LMO3: variants seen among roughly 807,000 people sequenced by gnomAD.
LMO3 encodes the protein LIM domain only protein 3.
A neutral mutation model predicts 15.8 loss-of-function variants in LMO3; 2 were observed. The observed-to-expected ratio is 0.13, with a 90% CI of 0.05 to 0.40. The LOEUF (loss-of-function observed/expected upper bound fraction) is 0.40. LMO3 is among the 10% of genes least tolerant of loss of function. The pLI is 0.99. For missense variants in LMO3, 86 were observed against 182.2 expected, an observed-to-expected ratio of 0.47 and a Z score of 3.04; for synonymous variants, 62 against 63.8, an observed-to-expected ratio of 0.97 and a Z score of 0.13.
chr12:16,557,055 A>T (rs1353348874), intron 3 of LMO3, among the ~76,000 whole-genome samples: 1 of 152,206 alleles, frequency 6.6e-6, no homozygotes, highest in Non-Finnish European at 1.5e-5. Context: ...GAGGAGACAG[A>T]CTTAATTGTG....
At chr12:16,574,320 C>T (rs1186721075) in intron 2 of LMO3, among the ~76,000 whole-genome samples, 1 of 152,128 alleles carries the variant, frequency 6.6e-6, no homozygotes, top group African/African-American at 2.4e-5. Flanking sequence ...TCAACGAAAA[C>T]GCCTGTCTCT....
Position 16,596,125 on chromosome 12 carries a change from G to C in LMO3, c.206+4530C>G, listed in dbSNP as rs1393110594. Among the ~76,000 whole-genome samples, 2 of 151,468 alleles carry C rather than the reference G, an allele frequency of 1.3e-5. No homozygotes were observed. The highest frequency in any genetic ancestry group is 4.8e-5 in the African/African-American group (2 of 41,366). On this transcript the variant is annotated intron_variant, in intron 2 of 3. Transcript: ENST00000537304. The surrounding 1 kb of genome is among the most constrained non-coding windows in gnomAD (Gnocchi z 4.3). Reference sequence around the variant, plus strand: ...CCAGGTTTGATCAGCGTGAGATAAAGTTACAGCTAGATTTATGCCCTATGT... The same window carrying C: ...CCAGGTTTGATCAGCGTGAGATAAACTTACAGCTAGATTTATGCCCTATGT...
Position 16,551,258 on chromosome 12 carries a change from A to G in LMO3, c.402T>C (p.Gly134=). 4 of 1,613,032 alleles carry G rather than the reference A, an allele frequency of 2.5e-6. No individual in the cohort carries two copies. The highest frequency in any genetic ancestry group is 3.4e-6 in the Non-Finnish European group (4 of 1,179,086). The change falls in exon 4 of 4, where the codon GGT becomes GGC. Residue 134 remains glycine, a synonymous_variant. Transcript: ENST00000537304. The stretch of plus-strand genomic sequence containing the variant: ...GGGGTGCATAACCTTCTTTCATTAA[A>G]CCTTCCTCGTAGTCCGTCTGGCAAA... The part of the protein sequence containing the change: ...MILCQTDYEE[G]LMKEGYAPQV...
At chr12:16,580,632 A>G (rs80238810) in intron 2 of LMO3, among the ~76,000 whole-genome samples, 11,016 of 152,216 alleles carry the variant, frequency 0.072, 1,344 homozygotes, top group African/African-American at 0.25. Context: ...CTAAAAAATT[A>G]GGTTACAAAA....
chr12:16,569,259 C>T (rs965054319), intron 2 of LMO3, among the ~76,000 whole-genome samples: 4 of 152,080 alleles, frequency 2.6e-5, no homozygotes, highest in Admixed American at 2.6e-4. Context: ...AACCTATATC[C>T]CTTATCCAAA....
intron 2 of LMO3, among the ~76,000 whole-genome samples, chr12:16,568,035 T>A (rs542142174): frequency 7.4e-4 from 112 of 152,160 alleles, no homozygotes; most frequent in Non-Finnish European, 1.3e-3. Context: ...TTTTTTGGAA[T>A]TCTTGAGATC....
intron 2 of LMO3, among the ~76,000 whole-genome samples, chr12:16,578,253 C>T (rs116519083): frequency 1.6e-4 from 25 of 152,252 alleles, no homozygotes; most frequent in African/African-American, 5.5e-4. Context: ...TAGGGGAATT[C>T]TAAGAGAATT....
At chr12:16,574,170 G>A (rs906479898) in intron 2 of LMO3, among the ~76,000 whole-genome samples, 6 of 152,018 alleles carry the variant, frequency 3.9e-5, no homozygotes, top group Non-Finnish European at 7.4e-5. Context: ...GTAAGTTAGA[G>A]GAAGACAGTA....
intron 2 of LMO3, chr12:16,567,356 A>G (rs1468843838): frequency 1.3e-5 from 2 of 153,686 alleles, no homozygotes; most frequent in African/African-American, 4.8e-5. Context: ...GGAAATGTTC[A>G]GTGGACTATG....
intron 1 of LMO3, chr12:16,605,750 T>TAG: frequency 6.5e-7 from 1 of 1,534,626 alleles, no homozygotes; most frequent in Non-Finnish European, 8.7e-7. Context: ...CTTTGACTAT[T>TAG]ATCCACTCGA....
At chr12:16,600,295 AAAAAAAAAAAAAAAAAAAAAG>A (rs1943782564) in intron 2 of LMO3, 1 of 153,522 alleles carries the variant, frequency 6.5e-6, no homozygotes, top group Non-Finnish European at 1.4e-5. Context: ...AAGCTCCAAA[AAAAAAAAAAAAAAAAAAAAAG>A]AAAAAAAAGA....
rs1468264122 is a variant in LMO3 at position 16,593,661 on chromosome 12, A to T, written c.206+6994T>A. On this transcript the variant is annotated intron_variant, in intron 2 of 3. Coordinates refer to ENST00000537304, the MANE Select transcript of LMO3 (RefSeq NM_018640.5). This position sits in a 1 kb window ranked among gnomAD's most constrained non-coding sequence, Gnocchi z 4.2. ...TGTAGTTAGTTTGTGAAGATAGAAA[A>T]CGTTTGGCTTCTATAATAAGAGGAT... 6.6e-6 allele frequency among the ~76,000 whole-genome samples: 1 copy of T among 151,766 alleles called. No individual in the cohort carries two copies.
At position 16,555,617 on chromosome 12, in the gene LMO3, G is replaced by A. The variant is rs1942163209; in HGVS notation, c.333-4290C>T. 6.6e-6 allele frequency among the ~76,000 whole-genome samples: 1 copy of A among 152,016 alleles called. No individual in the cohort carries two copies. Among genetic ancestry groups the A allele is most frequent in the South Asian group, 2.1e-4 (1 of 4,818 alleles). ...TATTCATTTTGACTTTTATTTAATG[G>A]CTTTTCAAAGACTAAGTTTACAATT... On this transcript the variant is annotated intron_variant, in intron 3 of 3. Coordinates refer to ENST00000537304, the MANE Select transcript of LMO3 (RefSeq NM_018640.5). The surrounding 1 kb of genome is among the most constrained non-coding windows in gnomAD (Gnocchi z 5.5).
At position 16,604,655 on chromosome 12, in the gene LMO3, C is replaced by T; in HGVS notation, c.-9+1411G>A. The T allele has an allele frequency of 1.7e-6, 1 of 591,548 alleles. No individual in the cohort carries two copies. Among genetic ancestry groups the T allele is most frequent in the Non-Finnish European group, 3.0e-6 (1 of 337,160 alleles). The allele number at this position is 591,548 out of a possible 1,614,324, so 36.6% of individuals were successfully genotyped here. On this transcript the variant is annotated intron_variant, in intron 1 of 3. Coordinates refer to ENST00000537304, the MANE Select transcript of LMO3 (RefSeq NM_018640.5). This position sits in a 1 kb window ranked among gnomAD's most constrained non-coding sequence, Gnocchi z 5.3. The stretch of plus-strand genomic sequence containing the variant: ...CCTTTTGTGGTTGTGTCTTTGCAGC[C>T]ACACAGGGATGGTTTGCAAAGAATG...
At chr12:16,567,175 A>T (rs1328504825) in intron 2 of LMO3, among the ~76,000 whole-genome samples, 1 of 151,360 alleles carries the variant, frequency 6.6e-6, no homozygotes, top group Non-Finnish European at 1.5e-5. Flanking sequence ...CAGCCTGGGC[A>T]ATAAGAGTGA....
intron 2 of LMO3, among the ~76,000 whole-genome samples, chr12:16,568,619 T>C (rs893154051): frequency 1.3e-5 from 2 of 152,228 alleles, no homozygotes; most frequent in African/African-American, 2.4e-5. Context: ...TCATGAATAA[T>C]TTTTGAAAAT....
intron 2 of LMO3, among the ~76,000 whole-genome samples, chr12:16,568,204 T>C (rs957552155): frequency 1.3e-5 from 2 of 152,204 alleles, no homozygotes; most frequent in Non-Finnish European, 2.9e-5. Context: ...TGTAAGAACC[T>C]AGCATTACAG....
In LMO3 at chr12:16,551,150, T is replaced by G; in HGVS notation, c.*72A>C. 1 of 980,024 alleles carries G rather than the reference T, an allele frequency of 1.0e-6. No homozygotes were observed. The allele number at this position is 980,024 out of a possible 1,614,324, so 60.7% of individuals were successfully genotyped here. ...ATTCAGTAGGTTCCTGTGTCAATTCTTATGTACATGTGGAGCAAAAAAGAT... is the reference window on the plus strand; with the variant it reads ...ATTCAGTAGGTTCCTGTGTCAATTCGTATGTACATGTGGAGCAAAAAAGAT... On this transcript the variant is annotated 3_prime_UTR_variant, in exon 4 of 4. Transcript: ENST00000537304.
intron 3 of LMO3, 144 bp from the exon 4 acceptor site, chr12:16,551,471 G>A: frequency 1.7e-6 from 1 of 586,640 alleles, no homozygotes; most frequent in Non-Finnish European, 3.0e-6. Flanking sequence ...TTCATTATCA[G>A]AATTAGACCA....
Sources: gnomAD v4.1 joint callset for allele counts (sites outside exome capture counted in the v4.1 genomes callset) on GRCh38, gnomAD v4.1.1 for gene constraint, Gnocchi (gnomAD v3.1) non-coding constraint, MANE v1.5 for transcripts, NCBI Gene and HGNC (gene_info 2026-07-23, HGNC 2026-07-21) for gene names.